NEURL1B: variants seen among roughly 807,000 people sequenced by gnomAD.
The protein encoded by NEURL1B is E3 ubiquitin-protein ligase NEURL1B.
A neutral mutation model predicts 37.4 loss-of-function variants in NEURL1B; 13 were observed. The observed-to-expected ratio is 0.35, with a 90% CI of 0.23 to 0.55. The LOEUF (loss-of-function observed/expected upper bound fraction) is 0.55. Among genes scored for constraint, NEURL1B ranks in the 20% least tolerant of loss-of-function variants. NEURL1B has a pLI of 0.89. For synonymous variants in NEURL1B, 432 were observed against 426.6 expected, an observed-to-expected ratio of 1.01 and a Z score of -0.16; for missense variants, 790 against 879.2, an observed-to-expected ratio of 0.90 and a Z score of 1.28.
chr5:172,664,195 G>GA (rs1175619643), intron 1 of NEURL1B, among the ~76,000 whole-genome samples: 7 of 152,276 alleles, frequency 4.6e-5, no homozygotes, highest in Middle Eastern at 6.8e-3. Flanking sequence ...AGGACAGGGG[G>GA]AAAAAGCACG....
At chr5:172,651,227 A>G (rs943927294) in intron 1 of NEURL1B, among the ~76,000 whole-genome samples, 2 of 151,990 alleles carry the variant, frequency 1.3e-5, no homozygotes, top group African/African-American at 4.8e-5. Flanking sequence ...GTTCTGCTTG[A>G]TTTTCCAAAA....
At position 172,661,080 on chromosome 5, in the gene NEURL1B, C is replaced by T. The variant is rs1170507634; in HGVS notation, c.32-8705C>T. Among the ~76,000 whole-genome samples, 2 of 152,228 alleles carry T rather than the reference C, an allele frequency of 1.3e-5. No individual in the cohort carries two copies. Among genetic ancestry groups the T allele is most frequent in the African/African-American group, 2.4e-5 (1 of 41,458 alleles). ...CCTTTTCCTCTCTCTAGAGCACAGC[C>T]TGCCCCCCTCACCCCAACACACATG... On this transcript the variant is annotated intron_variant, in intron 1 of 4. Coordinates refer to ENST00000369800, the MANE Select transcript of NEURL1B (RefSeq NM_001142651.3). This position sits in a 1 kb window ranked among gnomAD's most constrained non-coding sequence, Gnocchi z 4.0.
Position 172,686,761 on chromosome 5 carries a change from G to A in NEURL1B, c.1504G>A (p.Glu502Lys), listed in dbSNP as rs1340276623. 2.6e-6 allele frequency: 4 copies of A among 1,551,692 alleles called. No individual in the cohort carries two copies. Among genetic ancestry groups the A allele is most frequent in the Admixed American group, 2.0e-5 (1 of 51,024 alleles). ...PPEPAGIKNGECTVCFDGEVD... is the reference protein window; with the variant it reads ...PPEPAGIKNGKCTVCFDGEVD... The stretch of plus-strand genomic sequence containing the variant: ...GGAGCCGGCAGGCATCAAGAATGGC[G>A]AGTGCACGGTGTGCTTCGATGGCGA... Residue 502 changes from glutamate (E) to lysine (K), a missense_variant, in exon 5 of 5, where the codon GAG becomes AAG. Glu to Lys is a moderately conservative substitution (Grantham distance 56). Coordinates refer to ENST00000369800, the MANE Select transcript of NEURL1B (RefSeq NM_001142651.3). This position sits in a 1 kb window ranked among gnomAD's most constrained non-coding sequence, Gnocchi z 7.9.
At chr5:172,677,245 G>A (rs1178842478) in intron 2 of NEURL1B, among the ~76,000 whole-genome samples, 5 of 152,160 alleles carry the variant, frequency 3.3e-5, no homozygotes, top group South Asian at 4.1e-4. Flanking sequence ...TCACCCCAGC[G>A]TAAATCATTT....
In NEURL1B at chr5:172,683,733, G is replaced by C. The variant is rs760509255; in HGVS notation, c.892G>C (p.Val298Leu). The C allele has an allele frequency of 4.1e-5, 56 of 1,356,122 alleles. No homozygotes were observed. The East Asian group carries it at 1.0e-3, about 25-fold the overall frequency. 84.0% of individuals were successfully genotyped at this position (1,356,122 alleles called of 1,614,324 possible). A position where few individuals can be genotyped will look rare whatever the true frequency, so the allele number is the denominator to read the frequency against. ...PDVSLSADRK[V>L]ACAPRPDGGR... is the part of the protein sequence containing the mutation. Reference sequence around the variant, plus strand: ...CGTGAGCCTGTCGGCCGACCGCAAAGTGGCCTGCGCACCGCGGCCCGACGG... The same window carrying C: ...CGTGAGCCTGTCGGCCGACCGCAAACTGGCCTGCGCACCGCGGCCCGACGG... Residue 298 changes from valine (V) to leucine (L), a missense_variant, in exon 3 of 5, where the codon GTG (valine) becomes CTG (leucine). Around this residue, in one of 3 missense-constraint regions of NEURL1B, gnomAD observed 460 missense variants for 407.4 expected, o/e 1.13. Transcript: ENST00000369800. The surrounding 1 kb of genome is among the most constrained non-coding windows in gnomAD (Gnocchi z 5.6).
In NEURL1B at chr5:172,670,330, G is replaced by A; in HGVS notation, c.577G>A (p.Glu193Lys). Reference sequence around the variant, plus strand: ...CATCACCGACGAGGTGCAGCTTCTGGGTAGGTCGCGGGCGCGGCGCCCCCT... The same window carrying A: ...CATCACCGACGAGGTGCAGCTTCTGAGTAGGTCGCGGGCGCGGCGCCCCCT... ...YGITDEVQLL[E>K]SAFADTLTPA... Residue 193 changes from glutamate (E) to lysine (K), a missense_variant and splice_region_variant, in exon 2 of 5, where the codon GAG (glutamate) becomes AAG (lysine). Transcript: ENST00000369800. 1 of 1,355,578 alleles carries A rather than the reference G, an allele frequency of 7.4e-7. No homozygotes were observed. The highest frequency in any genetic ancestry group is 9.5e-7 in the Non-Finnish European group (1 of 1,057,714). The allele number at this position is 1,355,578 out of a possible 1,614,324, so 84.0% of individuals were successfully genotyped here.
rs535371155 is a variant in NEURL1B at position 172,646,436 on chromosome 5, C to A, written c.31+4999C>A. On this transcript the variant is annotated intron_variant, in intron 1 of 4. Transcript: ENST00000369800. The stretch of plus-strand genomic sequence containing the variant: ...GCTGACAGGTGCCCTTCACTCCTTG[C>A]CTTGAAAACCCTGCCCCAGGTGACC... Among the ~76,000 whole-genome samples, 5 of 152,332 alleles carry A rather than the reference C, an allele frequency of 3.3e-5. No homozygotes were observed. The South Asian group carries it at 1.0e-3, about 32-fold the overall frequency.
At chr5:172,658,395 T>C (rs1262507094) in intron 1 of NEURL1B, among the ~76,000 whole-genome samples, 2 of 152,078 alleles carry the variant, frequency 1.3e-5, no homozygotes, top group Non-Finnish European at 2.9e-5. Flanking sequence ...TTACCTGCTC[T>C]CATGAGGCTT....
chr5:172,665,500 C>G lies in NEURL1B; in HGVS notation c.32-4285C>G, dbSNP rs1328431780. Among the ~76,000 whole-genome samples, 2 of 152,230 alleles carry G rather than the reference C, an allele frequency of 1.3e-5. No homozygotes were observed. Among genetic ancestry groups the G allele is most frequent in the Non-Finnish European group, 2.9e-5 (2 of 68,030 alleles). On this transcript the variant is annotated intron_variant, in intron 1 of 4. Coordinates refer to ENST00000369800, the MANE Select transcript of NEURL1B (RefSeq NM_001142651.3). The surrounding 1 kb of genome is among the most constrained non-coding windows in gnomAD (Gnocchi z 4.1). ...ACAGGCAGTGCAGGTGTGGCCGTGGCCCTGCTTTGCCAAAAGCCCTGTAGC... is the reference window on the plus strand; with the variant it reads ...ACAGGCAGTGCAGGTGTGGCCGTGGGCCTGCTTTGCCAAAAGCCCTGTAGC...
At chr5:172,650,040 G>A (rs1020442920) in intron 1 of NEURL1B, among the ~76,000 whole-genome samples, 17 of 152,210 alleles carry the variant, frequency 1.1e-4, no homozygotes, top group Non-Finnish European at 2.4e-4. Context: ...GGCAGTATTG[G>A]CACTTGGCAG....
intron 2 of NEURL1B, among the ~76,000 whole-genome samples, chr5:172,679,495 C>G (rs901843504): frequency 6.6e-6 from 1 of 152,264 alleles, no homozygotes; most frequent in Non-Finnish European, 1.5e-5. Flanking sequence ...CTATAGCCGA[C>G]TGGTTCTCCT....
intron 2 of NEURL1B, among the ~76,000 whole-genome samples, chr5:172,681,737 G>T (rs950160290): frequency 6.6e-6 from 1 of 152,144 alleles, no homozygotes; most frequent in Non-Finnish European, 1.5e-5. Context: ...CGGGGCCTGG[G>T]GCATAATTCG....
At chr5:172,682,037 T>G (rs549067903) in intron 2 of NEURL1B, among the ~76,000 whole-genome samples, 90 of 152,336 alleles carry the variant, frequency 5.9e-4, no homozygotes, top group African/African-American at 2.2e-3. Context: ...CTATTAATAG[T>G]GAAGGCTATT....
At chr5:172,667,274 C>CAAAAAAAAAA (rs1758032807) in intron 1 of NEURL1B, among the ~76,000 whole-genome samples, 1 of 14,814 alleles carries the variant, frequency 6.8e-5, no homozygotes, top group Non-Finnish European at 1.2e-4. Context: ...CCTGTCTCTA[C>CAAAAAAAAAA]TAAAAAAAAA....
In NEURL1B at chr5:172,661,920, A is replaced by T. The variant is rs542963888; in HGVS notation, c.32-7865A>T. 2.6e-5 allele frequency among the ~76,000 whole-genome samples: 4 copies of T among 152,246 alleles called. No homozygotes were observed. The highest frequency in any genetic ancestry group is 6.5e-5 in the Admixed American group (1 of 15,294). On this transcript the variant is annotated intron_variant, in intron 1 of 4. Coordinates refer to ENST00000369800, the MANE Select transcript of NEURL1B (RefSeq NM_001142651.3). The surrounding 1 kb of genome is among the most constrained non-coding windows in gnomAD (Gnocchi z 4.0). ...GGACGCCTGCTGGCATAGTTTAAAA[A>T]TAGGCTTCTGTCCTTGGACACCAAG...
In NEURL1B at chr5:172,688,125, C is replaced by G. The variant is rs769813894; in HGVS notation, c.*1200C>G. The G allele has an allele frequency of 6.6e-6, 1 of 152,536 alleles. No individual in the cohort carries two copies. Among genetic ancestry groups the G allele is most frequent in the Non-Finnish European group, 1.5e-5 (1 of 68,092 alleles). 9.4% of individuals were successfully genotyped at this position (152,536 alleles called of 1,614,324 possible). ...TTCCTGGGACCTTGACCCTGCCCCA[C>G]CCCCTCAGCCGTGCCCATCTCTGCA... On this transcript the variant is annotated 3_prime_UTR_variant, in exon 5 of 5. Coordinates refer to ENST00000369800, the MANE Select transcript of NEURL1B (RefSeq NM_001142651.3). The surrounding 1 kb of genome is among the most constrained non-coding windows in gnomAD (Gnocchi z 4.3).
intron 2 of NEURL1B, among the ~76,000 whole-genome samples, chr5:172,673,484 C>T (rs960535780): frequency 4.6e-5 from 7 of 152,140 alleles, no homozygotes; most frequent in African/African-American, 1.7e-4. Flanking sequence ...ACAATCAGGT[C>T]CCACTGGATA....
chr5:172,648,285 A>G (rs1757597176), intron 1 of NEURL1B, among the ~76,000 whole-genome samples: 1 of 152,166 alleles, frequency 6.6e-6, no homozygotes, highest in African/African-American at 2.4e-5. Flanking sequence ...CACACGTAGC[A>G]CCTGCTAGGA....
chr5:172,674,797 A>T (rs1353802806), intron 2 of NEURL1B, among the ~76,000 whole-genome samples: 1 of 151,862 alleles, frequency 6.6e-6, no homozygotes, highest in Non-Finnish European at 1.5e-5. Context: ...TCTTGCTTTG[A>T]CTTTTTCGCT....
Sources: gnomAD v4.1 joint callset for allele counts (sites outside exome capture counted in the v4.1 genomes callset) on GRCh38, gnomAD v4.1.1 for gene constraint, gnomAD v4.1.1 regional missense constraint, Gnocchi (gnomAD v3.1) non-coding constraint, MANE v1.5 for transcripts, NCBI Gene and HGNC (gene_info 2026-07-23, HGNC 2026-07-21) for gene names.